Variants in ZCCHC8 observed in about 807,000 individuals in gnomAD.
ZCCHC8 encodes the protein zinc finger CCHC-type containing 8.
A neutral mutation model predicts 70.6 loss-of-function variants in ZCCHC8; 27 were observed. That is an observed-to-expected ratio of 0.38 (90% CI 0.28 to 0.53). The LOEUF (loss-of-function observed/expected upper bound fraction) is 0.53, where lower values mean the gene tolerates loss of function less well. ZCCHC8 is among the 20% of genes least tolerant of loss of function. The pLI is 0.81. For synonymous variants in ZCCHC8, 293 were observed against 317.4 expected (o/e 0.92, Z 0.82); for missense variants, 737 against 876.9 (o/e 0.84, Z 2.01).
At chr12:122,482,121 A>G in intron 8 of ZCCHC8, 34 bp from the exon 9 acceptor site, 2 of 1,554,934 alleles carry the variant, frequency 1.3e-6, no homozygotes, top group Non-Finnish European at 1.7e-6. Flanking sequence ...GAATGGTTTC[A>G]TGCAACTCAG....
chr12:122,485,265 C>T (rs967129778), intron 5 of ZCCHC8, among the ~76,000 whole-genome samples: 1 of 152,114 alleles, frequency 6.6e-6, no homozygotes, highest in Admixed American at 6.6e-5. Context: ...CAGGCATGCA[C>T]CACCACACCC....
chr12:122,473,288 C>G lies in ZCCHC8; in HGVS notation c.*209G>C. 3 of 581,264 alleles carry G rather than the reference C, an allele frequency of 5.2e-6. No homozygotes were observed. Among genetic ancestry groups the G allele is most frequent in the South Asian group, 5.4e-5 (2 of 37,000 alleles). The allele number at this position is 581,264 out of a possible 1,614,324, so 36.0% of individuals were successfully genotyped here. A position where few individuals can be genotyped will look rare whatever the true frequency, so the allele number is the denominator to read the frequency against. On this transcript the variant is annotated 3_prime_UTR_variant, in exon 14 of 14. Coordinates refer to ENST00000633063, the MANE Select transcript of ZCCHC8 (RefSeq NM_017612.5). ...TCTCTAAACCAGGTCATATTCACAT[C>G]TCCCCCCAAGTTTTGTCAGTGAGAA...
Position 122,481,677 on chromosome 12 carries a change from A to C in ZCCHC8, c.876-13T>G. 2 of 1,607,496 alleles carry C rather than the reference A, an allele frequency of 1.2e-6. No homozygotes were observed. Among genetic ancestry groups the C allele is most frequent in the Admixed American group, 1.7e-5 (1 of 58,676 alleles). The stretch of plus-strand genomic sequence containing the variant: ...TTGAAGTTCCTCACTAAGTAAAAAT[A>C]AAGGAGGAAGAAAAATACTGAATTC... On this transcript the variant is annotated splice_polypyrimidine_tract_variant and intron_variant, in intron 9 of 13. Coordinates refer to ENST00000633063, the MANE Select transcript of ZCCHC8 (RefSeq NM_017612.5).
In ZCCHC8 at chr12:122,481,594, G is replaced by C. The variant is rs1283213131; in HGVS notation, c.946C>G (p.Leu316Val). The C allele has an allele frequency of 2.5e-6, 4 of 1,613,826 alleles. No individual in the cohort carries two copies. The highest frequency in any genetic ancestry group is 3.4e-6 in the Non-Finnish European group (4 of 1,179,884). Residue 316 changes from leucine to valine, a missense_variant, in exon 10 of 14, where the codon CTA becomes GTA. By Grantham distance (32) the Leu-to-Val change is conservative. Transcript: ENST00000633063. ...TTGAGCCACCCTGGTGGGTACCCTA[G>C]CTGGCGCATCCGATAGATAAAAGGT... ...LPPFIYRMRQ[L>V]GYPPGWLKEA...
chr12:122,479,035 T>C (rs921959048), intron 11 of ZCCHC8, among the ~76,000 whole-genome samples: 2 of 152,224 alleles, frequency 1.3e-5, no homozygotes, highest in African/African-American at 4.8e-5. Flanking sequence ...TTTGGCTGTT[T>C]CCCTACTGTC....
rs188874646 is a variant in ZCCHC8, at chr12:122,478,138, G to T, written c.1227+68C>A. ...ACAAAGCAAGAAAAGGCTGTAAGAC[G>T]CTAATAAATTACACAATCTCGCAGA... is the stretch of plus-strand genomic sequence containing the variant. On this transcript the variant is annotated intron_variant, in intron 12 of 13. Coordinates refer to ENST00000633063, the MANE Select transcript of ZCCHC8 (RefSeq NM_017612.5). The T allele has an allele frequency of 7.2e-6, 10 of 1,379,970 alleles. No homozygotes were observed. The East Asian group carries it at 2.0e-4, about 27-fold the overall frequency. 85.5% of individuals were successfully genotyped at this position (1,379,970 alleles called of 1,614,324 possible).
In ZCCHC8 at chr12:122,471,696, C is replaced by T. The variant is rs1957320732; in HGVS notation, c.*1801G>A. ...CTATTTCTAGCACATTCTGTGAGGG[C>T]TTTAAAAAGAAATTTCTCTCTTTAT... On this transcript the variant is annotated 3_prime_UTR_variant, in exon 14 of 14. Transcript: ENST00000633063. 1 of 152,168 alleles carries T rather than the reference C, an allele frequency of 6.6e-6. No homozygotes were observed. Among genetic ancestry groups the T allele is most frequent in the Non-Finnish European group, 1.5e-5 (1 of 68,026 alleles). The allele number at this position is 152,168 out of a possible 1,614,324, so 9.4% of individuals were successfully genotyped here.
At chr12:122,477,725 G>A (rs1957446800) in intron 13 of ZCCHC8, 116 bp downstream of exon 13, 6 of 774,446 alleles carry the variant, frequency 7.7e-6, no homozygotes, top group Non-Finnish European at 1.3e-5. Flanking sequence ...GGGAGGCAGA[G>A]GTTGCGGTGA....
At chr12:122,496,862 A>G (rs1370336920) in intron 2 of ZCCHC8, among the ~76,000 whole-genome samples, 1 of 152,134 alleles carries the variant, frequency 6.6e-6, no homozygotes, top group Non-Finnish European at 1.5e-5. Flanking sequence ...AATTTGAAAT[A>G]TTGGCCGGGT....
chr12:122,476,937 G>C (rs1428240073), intron 13 of ZCCHC8, among the ~76,000 whole-genome samples: 2 of 151,442 alleles, frequency 1.3e-5, no homozygotes, highest in Admixed American at 1.3e-4. Context: ...CAGGAGAATC[G>C]CTTGAACCTG....
chr12:122,478,229 A>G lies in ZCCHC8; in HGVS notation c.1204T>C (p.Tyr402His). The change falls in exon 12 of 14, where the codon TAC becomes CAC. Residue 402 changes from tyrosine to histidine, a missense_variant. Physicochemically the swap from Tyr to His is moderately conservative, Grantham distance 83. Coordinates refer to ENST00000633063, the MANE Select transcript of ZCCHC8 (RefSeq NM_017612.5). The part of the protein sequence containing the change: ...ACQQKDVFAN[Y>H]LTSNFQAPGV... Reference sequence around the variant, plus strand: ...ACCGCTTGGAAGTTAGAAGTAAGGTAATTGGCAAACACATCCTTCTGCTGA... The same window carrying G: ...ACCGCTTGGAAGTTAGAAGTAAGGTGATTGGCAAACACATCCTTCTGCTGA... 1 of 1,601,238 alleles carries G rather than the reference A, an allele frequency of 6.2e-7. No homozygotes were observed.
At chr12:122,474,313 A>G (rs748763472) in intron 13 of ZCCHC8, 38 bp from the exon 14 acceptor site, 7 of 1,341,730 alleles carry the variant, frequency 5.2e-6, no homozygotes, top group Non-Finnish European at 3.9e-6. Context: ...TAGAACTTAT[A>G]ATAGCATTTG....
intron 2 of ZCCHC8, among the ~76,000 whole-genome samples, chr12:122,493,461 C>T (rs932785903): frequency 6.6e-6 from 1 of 151,966 alleles, no homozygotes; most frequent in Non-Finnish European, 1.5e-5. Flanking sequence ...CGCTCTGTTG[C>T]CCAGGCTGGA....
intron 2 of ZCCHC8, 84 bp downstream of exon 2, chr12:122,498,743 T>C (rs1367279598): frequency 2.2e-6 from 3 of 1,367,434 alleles, no homozygotes; most frequent in African/African-American, 1.4e-5. Flanking sequence ...TCCCATACAC[T>C]TTTTACAACG....
Position 122,500,802 on chromosome 12 carries a change from G to T in ZCCHC8, c.39C>A (p.Phe13Leu). The part of the protein sequence containing the change: ...AEVYFGDLEL[F>L]EPFDHPEESI... ...ACTCCTCTGGGTGGTCGAACGGCTCGAAGAGCTCTAGATCGCCAAAATACA... is the reference window on the plus strand; with the variant it reads ...ACTCCTCTGGGTGGTCGAACGGCTCTAAGAGCTCTAGATCGCCAAAATACA... Residue 13 changes from phenylalanine (F) to leucine (L), a missense_variant, in exon 1 of 14, where the codon TTC (phenylalanine) becomes TTA (leucine). Phe to Leu is a conservative substitution (Grantham distance 22, BLOSUM62 0). Coordinates refer to ENST00000633063, the MANE Select transcript of ZCCHC8 (RefSeq NM_017612.5). This position sits in a 1 kb window ranked among gnomAD's most constrained non-coding sequence, Gnocchi z 4.8. The T allele has an allele frequency of 6.3e-7, 1 of 1,580,760 alleles. No individual in the cohort carries two copies. The highest frequency in any genetic ancestry group is 8.6e-7 in the Non-Finnish European group (1 of 1,164,694).
At position 122,500,474 on chromosome 12, in the gene ZCCHC8, A is replaced by G. The variant is rs1593339765; in HGVS notation, c.199+168T>C. On this transcript the variant is annotated intron_variant, in intron 1 of 13. Transcript: ENST00000633063. The surrounding 1 kb of genome is among the most constrained non-coding windows in gnomAD (Gnocchi z 4.8). Reference sequence around the variant, plus strand: ...CGCCGAGGCAGCCTGCGCGCCCCGAACCCTAGACTCTCGGTCCGCCGGCGG... The same window carrying G: ...CGCCGAGGCAGCCTGCGCGCCCCGAGCCCTAGACTCTCGGTCCGCCGGCGG... The G allele has an allele frequency of 2.2e-6, 2 of 927,726 alleles. No homozygotes were observed. Among genetic ancestry groups the G allele is most frequent in the Admixed American group, 3.0e-5 (1 of 33,660 alleles). 57.5% of individuals were successfully genotyped at this position (927,726 alleles called of 1,614,324 possible).
intron 3 of ZCCHC8, among the ~76,000 whole-genome samples, chr12:122,491,864 A>G (rs1160765188): frequency 1.3e-5 from 2 of 151,486 alleles, no homozygotes; most frequent in Non-Finnish European, 2.9e-5. Context: ...CAGGTGAAAC[A>G]CTAGGTGAAT....
At chr12:122,494,777 CA>C (rs1341084990) in intron 2 of ZCCHC8, among the ~76,000 whole-genome samples, 3 of 152,288 alleles carry the variant, frequency 2.0e-5, no homozygotes, top group African/African-American at 7.2e-5. Context: ...ATTGCTTGAA[CA>C]GGGGAGGCGG....
intron 2 of ZCCHC8, among the ~76,000 whole-genome samples, chr12:122,495,413 C>T (rs984280739): frequency 1.3e-5 from 2 of 152,170 alleles, no homozygotes; most frequent in Non-Finnish European, 2.9e-5. Flanking sequence ...ATAGCTTGAA[C>T]CCAGAAGTCA....
Sources: allele counts gnomAD v4.1 joint callset (sites outside exome capture counted in the v4.1 genomes callset), GRCh38; gene constraint gnomAD v4.1.1; non-coding constraint Gnocchi (gnomAD v3.1); transcripts MANE v1.5; gene names NCBI Gene and HGNC (gene_info 2026-07-23, HGNC 2026-07-21).